The following ERP44 variants were observed in gnomAD, a reference collection of about 807,000 sequenced individuals.
ERP44 encodes endoplasmic reticulum protein 44.
In ERP44, 25 loss-of-function variants were observed where a neutral mutation model predicts 53.4. That is an observed-to-expected ratio of 0.47 (90% CI 0.34 to 0.65). The LOEUF (loss-of-function observed/expected upper bound fraction) is 0.65. Ranked by LOEUF, ERP44 falls within the 30% of genes least tolerant of loss-of-function variation. The pLI, the probability that ERP44 is intolerant of heterozygous loss-of-function variation, is 0.01. For synonymous variants in ERP44, 145 were observed against 161.2 expected (o/e 0.90, Z 0.76); for missense variants, 338 against 493.2 (o/e 0.69, Z 2.98).
intron 1 of ERP44, among the ~76,000 whole-genome samples, chr9:100,082,922 A>G (rs1826443059): frequency 6.6e-6 from 1 of 152,172 alleles, no homozygotes; most frequent in African/African-American, 2.4e-5. Flanking sequence ...GTAGCCAAAG[A>G]AAATACATGA....
intron 1 of ERP44, among the ~76,000 whole-genome samples, chr9:100,089,749 A>C (rs1251405674): frequency 6.6e-6 from 1 of 152,188 alleles, no homozygotes; most frequent in Non-Finnish European, 1.5e-5. Flanking sequence ...TGTGAACAGT[A>C]TATTTTATTA....
chr9:100,098,698 A>AG, intron 1 of ERP44, 86 bp downstream of exon 1: 1 of 1,102,294 alleles, frequency 9.1e-7, no homozygotes, highest in Non-Finnish European at 1.4e-6. Context: ...ACGGAAAAGC[A>AG]GGGGCAGGAG....
intron 1 of ERP44, among the ~76,000 whole-genome samples, chr9:100,085,283 A>G (rs1463945695): frequency 6.6e-6 from 1 of 152,236 alleles, no homozygotes; most frequent in Admixed American, 6.5e-5. Flanking sequence ...CAGAAAAGCA[A>G]GACCATATAA....
At chr9:100,097,506 T>C (rs1391546146) in intron 1 of ERP44, among the ~76,000 whole-genome samples, 1 of 152,146 alleles carries the variant, frequency 6.6e-6, no homozygotes, top group Non-Finnish European at 1.5e-5. Context: ...CAGTGTATAA[T>C]GAAATCACCA....
At chr9:100,022,397 A>G (rs931648539) in intron 4 of ERP44, among the ~76,000 whole-genome samples, 171 bp from the exon 5 acceptor site, 1 of 152,210 alleles carries the variant, frequency 6.6e-6, no homozygotes, top group African/African-American at 2.4e-5. Flanking sequence ...TACATTATTT[A>G]AGAGACCAGG....
At chr9:100,032,145 A>G (rs1412747518) in intron 4 of ERP44, among the ~76,000 whole-genome samples, 1 of 152,104 alleles carries the variant, frequency 6.6e-6, no homozygotes, top group Non-Finnish European at 1.5e-5. Flanking sequence ...GATCTGGTAT[A>G]AAAATGGGAC....
intron 1 of ERP44, among the ~76,000 whole-genome samples, chr9:100,087,755 T>C (rs1826501613): frequency 6.6e-6 from 1 of 152,238 alleles, no homozygotes; most frequent in Admixed American, 6.5e-5. Context: ...ACCAGAAGTC[T>C]ACCACTCTAC....
chr9:100,089,845 A>G (rs1826530689), intron 1 of ERP44, among the ~76,000 whole-genome samples: 1 of 152,186 alleles, frequency 6.6e-6, no homozygotes, highest in African/African-American at 2.4e-5. Context: ...AAAACATAGT[A>G]TATATAGGGT....
In ERP44 at chr9:100,094,376, G is replaced by A. The variant is rs187252350; in HGVS notation, c.57+4408C>T. On this transcript the variant is annotated intron_variant, in intron 1 of 11. Transcript: ENST00000262455. The stretch of plus-strand genomic sequence containing the variant: ...AAAAAGTTTTTAAAAAAGTATTCCA[G>A]GCCGGGCGTGGTGGCTCATGCCTGT... Among the ~76,000 whole-genome samples the A allele has an allele frequency of 2.6e-5, 4 of 152,232 alleles. No homozygotes were observed. In the East Asian group the frequency reaches 7.7e-4, roughly 29 times the overall value.
At chr9:99,991,828 A>C (rs1830259969) in intron 10 of ERP44, among the ~76,000 whole-genome samples, 1 of 152,184 alleles carries the variant, frequency 6.6e-6, no homozygotes, top group South Asian at 2.1e-4. Flanking sequence ...AAAATGATAA[A>C]GGGGATATCA....
chr9:100,073,816 C>T (rs1826328878), intron 1 of ERP44, among the ~76,000 whole-genome samples: 5 of 152,110 alleles, frequency 3.3e-5, no homozygotes, highest in Admixed American at 3.3e-4. Flanking sequence ...GACCATGATC[C>T]ACAGCAAGAA....
At chr9:100,030,199 C>T (rs1825766778) in intron 4 of ERP44, among the ~76,000 whole-genome samples, 2 of 152,190 alleles carry the variant, frequency 1.3e-5, no homozygotes, top group South Asian at 4.1e-4. Context: ...AATAAACTTG[C>T]TTTCACTTTA....
rs148371840 is a variant in ERP44, at chr9:100,049,425, A to G, written c.286+2992T>C. The stretch of plus-strand genomic sequence containing the variant: ...ACAAATAAATAAACAAATTTCAATA[A>G]GAAAATAAACAATCCAATAAAAAAT... On this transcript the variant is annotated intron_variant, in intron 4 of 11. Coordinates refer to ENST00000262455, the MANE Select transcript of ERP44 (RefSeq NM_015051.3). Among the ~76,000 whole-genome samples, 450 of 152,328 alleles carry G rather than the reference A, an allele frequency of 3.0e-3. 2 individuals carry two copies. The highest frequency in any genetic ancestry group is 0.01 in the African/African-American group (432 of 41,574).
intron 10 of ERP44, chr9:99,999,066 GCCTGCAGGGAGCGCACGGCCGTTC>G: frequency 1.4e-6 from 1 of 732,168 alleles, no homozygotes; most frequent in Non-Finnish European, 2.5e-6. Context: ...GCGGATGACC[GCCTGCAGGGAGCGCACGGCCGTTC>G]CCACAGCGGC....
chr9:100,063,980 A>T (rs1205678899), intron 1 of ERP44, among the ~76,000 whole-genome samples: 1 of 152,228 alleles, frequency 6.6e-6, no homozygotes, highest in Non-Finnish European at 1.5e-5. Context: ...TAAAAGACTA[A>T]TAAAAGTGAA....
At chr9:100,087,023 A>C (rs187770720) in intron 1 of ERP44, among the ~76,000 whole-genome samples, 2 of 149,832 alleles carry the variant, frequency 1.3e-5, no homozygotes, top group Admixed American at 6.6e-5. Flanking sequence ...AAAAAAAAAA[A>C]CTTTGCAGTC....
At chr9:100,022,387 T>C (rs1278891976) in intron 4 of ERP44, among the ~76,000 whole-genome samples, 161 bp from the exon 5 acceptor site, 2 of 152,222 alleles carry the variant, frequency 1.3e-5, no homozygotes, top group African/African-American at 4.8e-5. Context: ...GACTTGAGTT[T>C]ACATTATTTA....
intron 10 of ERP44, among the ~76,000 whole-genome samples, chr9:99,993,910 A>C (rs1382689466): frequency 6.6e-6 from 1 of 152,242 alleles, no homozygotes; most frequent in Non-Finnish European, 1.5e-5. Flanking sequence ...AAAAATGCTC[A>C]TCATCACTGG....
intron 3 of ERP44, among the ~76,000 whole-genome samples, chr9:100,053,100 C>T (rs1396378736): frequency 2.6e-5 from 4 of 152,042 alleles, no homozygotes; most frequent in South Asian, 2.1e-4. Flanking sequence ...TAGACCTCTC[C>T]ACCTGGCTAG....
Sources: gnomAD v4.1 joint callset for allele counts (sites outside exome capture counted in the v4.1 genomes callset) on GRCh38, gnomAD v4.1.1 for gene constraint, MANE v1.5 for transcripts, NCBI Gene and HGNC (gene_info 2026-07-23, HGNC 2026-07-21) for gene names.